PABPC4: variants seen among roughly 807,000 people sequenced by gnomAD.
PABPC4 encodes the protein polyadenylate-binding protein 4.
In PABPC4, 15 loss-of-function variants were observed where a neutral mutation model predicts 74.5. The observed-to-expected ratio is 0.20, with a 90% CI of 0.13 to 0.31. The LOEUF is 0.31. Ranked by LOEUF, PABPC4 falls within the 10% of genes least tolerant of loss-of-function variation. The probability of loss-of-function intolerance (pLI) is 1.00; values close to 1 mark genes in which losing one functional copy is unlikely to be tolerated. For missense variants in PABPC4, 610 were observed against 853.5 expected (o/e 0.71, Z 3.55); for synonymous variants, 345 against 303.0 (o/e 1.14, Z -1.44).
rs1161350925 is a variant in PABPC4 at position 39,572,604 on chromosome 1, A to C, written c.194-18T>G. The C allele has an allele frequency of 6.2e-7, 1 of 1,603,386 alleles. No homozygotes were observed. The highest frequency in any genetic ancestry group is 1.3e-5 in the African/African-American group (1 of 74,566). ...CCGCTCAGCTGTAAGAGAGAAACAC[A>C]TTTCAATAAGGAGAGAAAACGTCAG... is the stretch of plus-strand genomic sequence containing the variant. On this transcript the variant is annotated intron_variant, in intron 1 of 15. Transcript: ENST00000372858.
At chr1:39,569,316 T>C (rs1645900422) in intron 5 of PABPC4, among the ~76,000 whole-genome samples, 1 of 152,248 alleles carries the variant, frequency 6.6e-6, no homozygotes, top group South Asian at 2.1e-4. Context: ...AAATCAGCAC[T>C]CACTGGGCTT....
chr1:39,566,139 A>G (rs1645837766), intron 7 of PABPC4, among the ~76,000 whole-genome samples: 2 of 151,964 alleles, frequency 1.3e-5, no homozygotes, highest in African/African-American at 2.4e-5. Context: ...CCAGGAACTC[A>G]AAGATGTTTC....
chr1:39,562,564 T>C lies in PABPC4; in HGVS notation c.1669-148A>G, dbSNP rs535537961. The C allele has an allele frequency of 9.8e-6, 6 of 610,244 alleles. No individual in the cohort carries two copies. The East Asian group carries it at 1.7e-4, about 17-fold the overall frequency. 37.8% of individuals were successfully genotyped at this position (610,244 alleles called of 1,614,324 possible). A position where few individuals can be genotyped will look rare whatever the true frequency, so the allele number is the denominator to read the frequency against. ...GCTCTAAAGGAACTAATTTCAGTCCTTGAAGGATTGAGGGGTGTGTTGAGG... is the reference window on the plus strand; with the variant it reads ...GCTCTAAAGGAACTAATTTCAGTCCCTGAAGGATTGAGGGGTGTGTTGAGG... On this transcript the variant is annotated intron_variant, in intron 12 of 15. Transcript: ENST00000372858.
Position 39,564,727 on chromosome 1 carries a change from A to C in PABPC4, c.1292T>G (p.Met431Arg). The change falls in exon 9 of 16, where the codon ATG (methionine) becomes AGG (arginine). Residue 431 changes from methionine to arginine, a missense_variant. Around this residue, in one of 4 missense-constraint regions of PABPC4, gnomAD observed 277 missense variants for 301.8 expected, o/e 0.92. Coordinates refer to ENST00000372858, the MANE Select transcript of PABPC4 (RefSeq NM_001135653.2). Reference sequence around the variant, plus strand: ...TTGCTGCCAGCGTGGATTAGGCCTCATCTGTGCTAACTGGTTAGGTGTATA... The same window carrying C: ...TTGCTGCCAGCGTGGATTAGGCCTCCTCTGTGCTAACTGGTTAGGTGTATA... Reference protein sequence around the residue: ...PYYTPNQLAQMRPNPRWQQGG... With the variant: ...PYYTPNQLAQRRPNPRWQQGG... 1 of 1,614,168 alleles carries C rather than the reference A, an allele frequency of 6.2e-7. No individual in the cohort carries two copies. Among genetic ancestry groups the C allele is most frequent in the Non-Finnish European group, 8.5e-7 (1 of 1,180,020 alleles).
chr1:39,574,781 T>A (rs1645992571), intron 1 of PABPC4, among the ~76,000 whole-genome samples: 1 of 152,254 alleles, frequency 6.6e-6, no homozygotes, highest in African/African-American at 2.4e-5. Flanking sequence ...CTCCCAGTAA[T>A]GATCTCTGCA....
chr1:39,561,518 G>C, intron 15 of PABPC4, 167 bp downstream of exon 15: 1 of 608,206 alleles, frequency 1.6e-6, no homozygotes, highest in Non-Finnish European at 3.0e-6. Context: ...AAAGTCCACA[G>C]TCCTCATGAT....
At chr1:39,561,627 A>C (rs1645770963) in intron 15 of PABPC4, 58 bp downstream of exon 15, 1 of 1,225,756 alleles carries the variant, frequency 8.2e-7, no homozygotes, top group East Asian at 2.3e-5. Context: ...CAAACCACAA[A>C]GACAATGCTC....
Position 39,564,921 on chromosome 1 carries a change from G to A in PABPC4, c.1246-148C>T. ...GCTGAGGGGTCAGCTAATGGGGACT[G>A]TTTTATGCTACCACTGCCACTGTGG... On this transcript the variant is annotated intron_variant, in intron 8 of 15. Transcript: ENST00000372858. The A allele has an allele frequency of 4.6e-6, 4 of 878,470 alleles. 1 individual carries two copies. Among genetic ancestry groups the A allele is most frequent in the East Asian group, 5.2e-5 (2 of 38,586 alleles). 54.4% of individuals were successfully genotyped at this position (878,470 alleles called of 1,614,324 possible). A position where few individuals can be genotyped will look rare whatever the true frequency, so the allele number is the denominator to read the frequency against.
At position 39,561,628 on chromosome 1, in the gene PABPC4, G is replaced by A. The variant is rs560262636; in HGVS notation, c.*13+57C>T. On this transcript the variant is annotated intron_variant, in intron 15 of 15. Transcript: ENST00000372858. ...ATACAACCTCAGGTCAAACCACAAA[G>A]ACAATGCTCATAGGAACAATGCTCA... The A allele has an allele frequency of 1.6e-5, 20 of 1,231,324 alleles. No individual in the cohort carries two copies. The African/African-American group carries it at 3.0e-4, about 18-fold the overall frequency. The allele number at this position is 1,231,324 out of a possible 1,614,324, so 76.3% of individuals were successfully genotyped here.
chr1:39,564,803 C>T (rs374603356), intron 8 of PABPC4, 30 bp from the exon 9 acceptor site: 41 of 1,536,908 alleles, frequency 2.7e-5, no homozygotes, highest in African/African-American at 1.5e-4. Flanking sequence ...CCAAACACCC[C>T]CTTAAGGACT....
intron 15 of PABPC4, 189 bp from the exon 16 acceptor site, chr1:39,561,311 C>G (rs924141387): frequency 5.9e-6 from 2 of 339,156 alleles, no homozygotes; most frequent in Non-Finnish European, 1.2e-5. Flanking sequence ...TGGTCTTTAC[C>G]ACTAGATGAC....
chr1:39,567,598 T>C lies in PABPC4; in HGVS notation c.972+153A>G, dbSNP rs921697886. ...TAATGTTAACCTAATGAAATGTCAT[T>C]CTCCAGAATGCATCCAGAAATTTTG... On this transcript the variant is annotated intron_variant, in intron 7 of 15. Coordinates refer to ENST00000372858, the MANE Select transcript of PABPC4 (RefSeq NM_001135653.2). 8.6e-6 allele frequency: 6 copies of C among 696,722 alleles called. No homozygotes were observed. The East Asian group carries it at 1.3e-4, about 15-fold the overall frequency. 43.2% of individuals were successfully genotyped at this position (696,722 alleles called of 1,614,324 possible).
At chr1:39,575,082 C>T (rs918190117) in intron 1 of PABPC4, among the ~76,000 whole-genome samples, 1 of 152,184 alleles carries the variant, frequency 6.6e-6, no homozygotes, top group Non-Finnish European at 1.5e-5. Flanking sequence ...GTGACGCTTC[C>T]CTAAACTACC....
chr1:39,562,579 G>T, intron 12 of PABPC4, 163 bp from the exon 13 acceptor site: 1 of 588,820 alleles, frequency 1.7e-6, no homozygotes, highest in Non-Finnish European at 3.0e-6. Context: ...GGATTGAGGG[G>T]TGTGTTGAGG....
rs1445725629 is a variant in PABPC4, at chr1:39,576,465, G to A, written c.-514C>T. 2 of 150,938 alleles carry A rather than the reference G, an allele frequency of 1.3e-5. No homozygotes were observed. The highest frequency in any genetic ancestry group is 6.6e-5 in the Admixed American group (1 of 15,134). The allele number at this position is 150,938 out of a possible 1,614,324, so 9.3% of individuals were successfully genotyped here. On this transcript the variant is annotated 5_prime_UTR_variant, in exon 1 of 16. Coordinates refer to ENST00000372858, the MANE Select transcript of PABPC4 (RefSeq NM_001135653.2). ...CGGGCGGGCGGCGAAGGGCAGCACG[G>A]ACACGTGGTGCGCCGGGGCAGGCGC...
rs767361982 is a variant in PABPC4 at position 39,561,684 on chromosome 1, C to T, written c.*13+1G>A. 1.9e-6 allele frequency: 3 copies of T among 1,604,344 alleles called. No homozygotes were observed. Among genetic ancestry groups the T allele is most frequent in the Non-Finnish European group, 2.6e-6 (3 of 1,172,626 alleles). ...ACAAAAATGAAAATAGCCACACATACGGTTTTTCCTTGTCTAAGAGGTAGC... is the reference window on the plus strand; with the variant it reads ...ACAAAAATGAAAATAGCCACACATATGGTTTTTCCTTGTCTAAGAGGTAGC... On this transcript the variant is annotated splice_donor_variant, in intron 15 of 15. Transcript: ENST00000372858. LOFTEE classifies it low-confidence loss of function (3UTR_SPLICE).
At chr1:39,574,158 T>A (rs1027589996) in intron 1 of PABPC4, among the ~76,000 whole-genome samples, 1 of 152,160 alleles carries the variant, frequency 6.6e-6, no homozygotes, top group Non-Finnish European at 1.5e-5. Flanking sequence ...CCCCACCCCC[T>A]TCAGAAGGTG....
At chr1:39,566,050 C>G (rs948836666) in intron 7 of PABPC4, among the ~76,000 whole-genome samples, 3 of 152,158 alleles carry the variant, frequency 2.0e-5, no homozygotes, top group Non-Finnish European at 4.4e-5. Context: ...GTCACAACCT[C>G]TAAGGTATCT....
chr1:39,564,263 T>C, intron 10 of PABPC4, 160 bp downstream of exon 10: 1 of 751,274 alleles, frequency 1.3e-6, no homozygotes, highest in Non-Finnish European at 2.1e-6. Context: ...GAACTCATAC[T>C]GTTTCTCTGC....
Sources: allele counts gnomAD v4.1 joint callset (sites outside exome capture counted in the v4.1 genomes callset), GRCh38; gene constraint gnomAD v4.1.1; regional missense constraint gnomAD v4.1.1; transcripts MANE v1.5; gene names NCBI Gene and HGNC (gene_info 2026-07-23, HGNC 2026-07-21).